The following HS6ST3 variants were observed in gnomAD, a reference collection of about 807,000 sequenced individuals.
The protein encoded by HS6ST3 is heparan sulfate 6-O-sulfotransferase 3, also known as heparan-sulfate 6-O-sulfotransferase 3.
Under a neutral mutation model 36.7 loss-of-function variants are expected in HS6ST3, and 12 were observed. That is an observed-to-expected ratio of 0.33 (90% CI 0.21 to 0.53). HS6ST3 has a LOEUF of 0.53. Among genes scored for constraint, HS6ST3 ranks in the 20% least tolerant of loss-of-function variants. The pLI, the probability that HS6ST3 is intolerant of heterozygous loss-of-function variation, is 0.95. For synonymous variants in HS6ST3, 240 were observed against 257.5 expected, an observed-to-expected ratio of 0.93 and a Z score of 0.65; for missense variants, 584 against 640.9, an observed-to-expected ratio of 0.91 and a Z score of 0.96.
intron 1 of HS6ST3, among the ~76,000 whole-genome samples, chr13:96,681,145 C>A (rs998054056): frequency 2.0e-5 from 3 of 152,106 alleles, no homozygotes; most frequent in Non-Finnish European, 4.4e-5. Flanking sequence ...AGTGCTGGAT[C>A]ATGTTAATTT....
intron 1 of HS6ST3, among the ~76,000 whole-genome samples, chr13:96,651,549 G>A (rs990024591): frequency 4.6e-5 from 7 of 151,950 alleles, no homozygotes; most frequent in African/African-American, 1.7e-4. Flanking sequence ...CTCATCACAT[G>A]CCATCACTCG....
chr13:96,746,772 T>C (rs956289607), intron 1 of HS6ST3, among the ~76,000 whole-genome samples: 1 of 152,112 alleles, frequency 6.6e-6, no homozygotes, highest in Admixed American at 6.6e-5. Context: ...ATTAATGGTA[T>C]TATATCTTTT....
Position 96,838,604 on chromosome 13 carries a change from T to G in HS6ST3, c.*5406T>G, listed in dbSNP as rs1274218058. ...TCTTTCTCCAAGGCACTTTCGGCCT[T>G]CCTTCTTCTCCCCTTCCGCCATCTC... On this transcript the variant is annotated 3_prime_UTR_variant, in exon 2 of 2. Coordinates refer to ENST00000376705, the MANE Select transcript of HS6ST3 (RefSeq NM_153456.4). 1.3e-5 allele frequency: 2 copies of G among 152,440 alleles called. No homozygotes were observed. Among genetic ancestry groups the G allele is most frequent in the Non-Finnish European group, 2.9e-5 (2 of 68,240 alleles). 9.4% of individuals were successfully genotyped at this position (152,440 alleles called of 1,614,324 possible).
rs140709695 is a variant in HS6ST3, at chr13:96,201,450, G to A, written c.707+109881G>A. Among the ~76,000 whole-genome samples the A allele has an allele frequency of 6.0e-3, 908 of 152,092 alleles. 4 individuals carry two copies. Among genetic ancestry groups the A allele is most frequent in the Non-Finnish European group, 7.6e-3 (519 of 67,990 alleles). On this transcript the variant is annotated intron_variant, in intron 1 of 1. Transcript: ENST00000376705. ...ATAGCAACATTAAAAAATTGATATCGAAAGTAAAAATTCATTATTTTTCAT... is the reference window on the plus strand; with the variant it reads ...ATAGCAACATTAAAAAATTGATATCAAAAGTAAAAATTCATTATTTTTCAT...
intron 1 of HS6ST3, among the ~76,000 whole-genome samples, chr13:96,777,944 C>A (rs2138511917): frequency 6.6e-6 from 1 of 152,182 alleles, no homozygotes; most frequent in African/African-American, 2.4e-5. Flanking sequence ...CGACAGTAAC[C>A]AAAACAGCAT....
At chr13:96,479,380 A>G (rs1264918387) in intron 1 of HS6ST3, among the ~76,000 whole-genome samples, 1 of 152,196 alleles carries the variant, frequency 6.6e-6, no homozygotes, top group Admixed American at 6.5e-5. Flanking sequence ...AACGATTAGG[A>G]GGCCCTTGAA....
intron 1 of HS6ST3, among the ~76,000 whole-genome samples, chr13:96,116,705 G>A (rs2053895883): frequency 6.6e-6 from 1 of 152,160 alleles, no homozygotes; most frequent in South Asian, 2.1e-4. Context: ...GTGATAAATT[G>A]CAGTAAATTT....
rs1260209150 is a variant in HS6ST3 at position 96,110,440 on chromosome 13, GTGT to G, written c.707+18873_707+18875del. Among the ~76,000 whole-genome samples the G allele has an allele frequency of 3.5e-3, 485 of 138,338 alleles. 5 individuals carry two copies. The highest frequency in any genetic ancestry group is 0.012 in the African/African-American group (464 of 38,492). 90.8% of individuals were successfully genotyped at this position (138,338 alleles called of 152,430 possible). ...CTTTTCTTTTTTAATTTGTGTGTGT[GTGT>G]TTTTTTTTTTTGAGACGGTGTCTCA... On this transcript the variant is annotated intron_variant, in intron 1 of 1. Coordinates refer to ENST00000376705, the MANE Select transcript of HS6ST3 (RefSeq NM_153456.4).
At position 96,424,653 on chromosome 13, in the gene HS6ST3, C is replaced by T. The variant is rs192187437; in HGVS notation, c.707+333084C>T. The stretch of plus-strand genomic sequence containing the variant: ...TGGTGACTTTTTCTGGGTCCTTAGA[C>T]GGCAAAAGGGGTGAGGGAGTTTTCT... On this transcript the variant is annotated intron_variant, in intron 1 of 1. Coordinates refer to ENST00000376705, the MANE Select transcript of HS6ST3 (RefSeq NM_153456.4). Among the ~76,000 whole-genome samples the T allele has an allele frequency of 2.5e-3, 385 of 152,216 alleles. 4 individuals carry two copies. The highest frequency in any genetic ancestry group is 0.015 in the South Asian group (70 of 4,820).
intron 1 of HS6ST3, among the ~76,000 whole-genome samples, chr13:96,770,331 A>G (rs1877233694): frequency 6.6e-6 from 1 of 152,182 alleles, no homozygotes; most frequent in Admixed American, 6.5e-5. Context: ...CCATTTACCT[A>G]TTCTCAGTTT....
intron 1 of HS6ST3, among the ~76,000 whole-genome samples, chr13:96,405,777 C>G (rs1444679504): frequency 2.0e-5 from 3 of 152,158 alleles, no homozygotes; most frequent in Non-Finnish European, 4.4e-5. Flanking sequence ...TTTGCAAGAA[C>G]AGTAGATTTC....
chr13:96,558,489 A>T (rs1412818404), intron 1 of HS6ST3, among the ~76,000 whole-genome samples: 1 of 152,190 alleles, frequency 6.6e-6, no homozygotes, highest in Admixed American at 6.5e-5. Context: ...GAGCTATAAG[A>T]GGTTCATTTT....
intron 1 of HS6ST3, among the ~76,000 whole-genome samples, chr13:96,827,776 A>C (rs1206194845): frequency 6.6e-6 from 1 of 152,204 alleles, no homozygotes; most frequent in Non-Finnish European, 1.5e-5. Flanking sequence ...ATTTGGAACC[A>C]AAACCATTTT....
At chr13:96,490,320 T>C (rs1417074784) in intron 1 of HS6ST3, among the ~76,000 whole-genome samples, 1 of 152,124 alleles carries the variant, frequency 6.6e-6, no homozygotes, top group Non-Finnish European at 1.5e-5. Flanking sequence ...AGTAGGTTCC[T>C]AAAGAAGAAA....
intron 1 of HS6ST3, among the ~76,000 whole-genome samples, chr13:96,640,097 G>C (rs1239118664): frequency 6.6e-6 from 1 of 151,958 alleles, no homozygotes; most frequent in East Asian, 1.9e-4. Context: ...TAATGGGATT[G>C]CTGGGTCCAA....
At chr13:96,784,750 C>A (rs1877604138) in intron 1 of HS6ST3, among the ~76,000 whole-genome samples, 1 of 152,138 alleles carries the variant, frequency 6.6e-6, no homozygotes, top group Admixed American at 6.6e-5. Context: ...TTCTTTTGTA[C>A]CTTCTGCCAA....
intron 1 of HS6ST3, among the ~76,000 whole-genome samples, chr13:96,249,606 G>A (rs959664351): frequency 4.6e-5 from 7 of 152,204 alleles, no homozygotes; most frequent in Admixed American, 1.3e-4. Flanking sequence ...GAATGACTTC[G>A]TCTCCCCAGT....
chr13:96,712,031 A>T (rs1220063887), intron 1 of HS6ST3, among the ~76,000 whole-genome samples: 1 of 152,194 alleles, frequency 6.6e-6, no homozygotes, highest in Non-Finnish European at 1.5e-5. Flanking sequence ...AAATATATGT[A>T]TTGTGTTGAA....
chr13:96,181,601 T>C lies in HS6ST3; in HGVS notation c.707+90032T>C, dbSNP rs1328761836. Among the ~76,000 whole-genome samples, 3 of 152,074 alleles carry C rather than the reference T, an allele frequency of 2.0e-5. No homozygotes were observed. The East Asian group carries it at 5.8e-4, about 29-fold the overall frequency. ...CTGCTTTTCAGAGCTCTTGCTGGGG[T>C]CTCTGTCTTAGAGGTGCGCAGGAGG... On this transcript the variant is annotated intron_variant, in intron 1 of 1. Transcript: ENST00000376705.
Sources: gnomAD v4.1 joint callset for allele counts (sites outside exome capture counted in the v4.1 genomes callset) on GRCh38, gnomAD v4.1.1 for gene constraint, MANE v1.5 for transcripts, NCBI Gene and HGNC (gene_info 2026-07-23, HGNC 2026-07-21) for gene names.